Variants in SLC4A8 observed in about 807,000 individuals in gnomAD.
SLC4A8 encodes solute carrier family 4 member 8, also known as electroneutral sodium bicarbonate exchanger 1.
Under a neutral mutation model 125.0 loss-of-function variants are expected in SLC4A8, and 40 were observed. That is an observed-to-expected ratio of 0.32 (90% CI 0.25 to 0.42). SLC4A8 has a LOEUF of 0.42. SLC4A8 is among the 10% of genes least tolerant of loss of function. SLC4A8 has a pLI of 1.00. For missense variants in SLC4A8, 863 were observed against 1,355.1 expected, an observed-to-expected ratio of 0.64 and a Z score of 5.70; for synonymous variants, 456 against 476.0, an observed-to-expected ratio of 0.96 and a Z score of 0.55.
At chr12:51,474,781 AAT>A (rs1950812352) in intron 15 of SLC4A8, among the ~76,000 whole-genome samples, 1 of 152,142 alleles carries the variant, frequency 6.6e-6, no homozygotes, top group Admixed American at 6.5e-5. Context: ...TGATAAGAAA[AAT>A]ATAAGTTGCC....
At chr12:51,488,591 A>G in intron 17 of SLC4A8, 108 bp from the exon 18 acceptor site, 1 of 766,948 alleles carries the variant, frequency 1.3e-6, no homozygotes, top group Non-Finnish European at 2.0e-6. Flanking sequence ...TTTTTTTAAG[A>G]ACCTCACTCA....
intron 9 of SLC4A8, 123 bp from the exon 10 acceptor site, chr12:51,462,187 A>T (rs1950347705): frequency 1.1e-6 from 1 of 890,448 alleles, no homozygotes; most frequent in Non-Finnish European, 1.8e-6. Flanking sequence ...AGTTTTCTGC[A>T]TCTCAGATCC....
At chr12:51,505,669 C>T (rs183761569) in intron 23 of SLC4A8, among the ~76,000 whole-genome samples, 166 bp from the exon 24 acceptor site, 23 of 152,340 alleles carry the variant, frequency 1.5e-4, no homozygotes, top group African/African-American at 5.3e-4. Flanking sequence ...TCAGTGGCTG[C>T]AGGAGAAAGA....
rs1431159435 is a variant in SLC4A8 at position 51,461,200 on chromosome 12, C to T, written c.1014-4C>T. On this transcript the variant is annotated splice_region_variant and splice_polypyrimidine_tract_variant and intron_variant, in intron 8 of 24. Coordinates refer to ENST00000453097, the MANE Select transcript of SLC4A8 (RefSeq NM_001039960.3). ...ATAATTTCCTCCTCTGTGTGTTTTG[C>T]CAGATTTTTGTTTATCTTATTGGGT... 3 of 1,585,958 alleles carry T rather than the reference C, an allele frequency of 1.9e-6. No homozygotes were observed. Among genetic ancestry groups the T allele is most frequent in the Non-Finnish European group, 2.6e-6 (3 of 1,155,668 alleles).
intron 1 of SLC4A8, chr12:51,403,344 T>G (rs1948428931): frequency 4.7e-6 from 2 of 428,350 alleles, no homozygotes; most frequent in Non-Finnish European, 9.7e-6. Flanking sequence ...CTTACTCATT[T>G]CCAGAGTTTG....
intron 1 of SLC4A8, among the ~76,000 whole-genome samples, chr12:51,412,144 G>C (rs1016896223): frequency 6.6e-6 from 1 of 151,984 alleles, no homozygotes. Context: ...AATTATTGAG[G>C]GTTTTTTTTT....
Position 51,460,068 on chromosome 12 carries a change from G to T in SLC4A8, c.973G>T (p.Val325Phe). ...IVAFVRLSPAVLLSGLTEVPI... is the reference protein window; with the variant it reads ...IVAFVRLSPAFLLSGLTEVPI... The stretch of plus-strand genomic sequence containing the variant: ...TGCCTTTGTGAGGCTGTCTCCAGCT[G>T]TTCTTCTCTCAGGCCTAACAGAAGT... Residue 325 changes from valine (V) to phenylalanine (F), a missense_variant, in exon 8 of 25, where the codon GTT becomes TTT. Transcript: ENST00000453097. 1 of 1,613,906 alleles carries T rather than the reference G, an allele frequency of 6.2e-7. No individual in the cohort carries two copies.
intron 12 of SLC4A8, 148 bp from the exon 13 acceptor site, chr12:51,470,244 A>G (rs1417720346): frequency 6.0e-6 from 4 of 668,994 alleles, no homozygotes; most frequent in South Asian, 2.0e-5. Context: ...GGAGTATTAC[A>G]TGGTGTGTAC....
chr12:51,443,698 A>T (rs1949675152), intron 2 of SLC4A8, among the ~76,000 whole-genome samples: 1 of 152,180 alleles, frequency 6.6e-6, no homozygotes, highest in South Asian at 2.1e-4. Context: ...TATAACTTCT[A>T]AAAAGGCTTA....
At chr12:51,482,541 A>G (rs895042852) in intron 16 of SLC4A8, among the ~76,000 whole-genome samples, 2 of 151,952 alleles carry the variant, frequency 1.3e-5, no homozygotes, top group African/African-American at 4.8e-5. Context: ...CACCATGTCT[A>G]GCTAATTTTT....
At chr12:51,428,132 G>A (rs1398643617) in intron 1 of SLC4A8, among the ~76,000 whole-genome samples, 1 of 152,140 alleles carries the variant, frequency 6.6e-6, no homozygotes, top group African/African-American at 2.4e-5. Context: ...CCAGGATGCT[G>A]TTTTACCCAG....
At chr12:51,476,258 G>A (rs1950851220) in intron 16 of SLC4A8, among the ~76,000 whole-genome samples, 1 of 152,180 alleles carries the variant, frequency 6.6e-6, no homozygotes. Flanking sequence ...CAGGCGGGTG[G>A]ATCATCTGAG....
At chr12:51,479,699 AGAAAT>A (rs1383953175) in intron 16 of SLC4A8, among the ~76,000 whole-genome samples, 1 of 49,832 alleles carries the variant, frequency 2.0e-5, no homozygotes, top group Non-Finnish European at 5.6e-5. Flanking sequence ...AAAAAAAAAA[AGAAAT>A]GTGGACAAAT....
rs1395243611 is a variant in SLC4A8, at chr12:51,512,845, A to G, written c.*5407A>G. On this transcript the variant is annotated 3_prime_UTR_variant, in exon 25 of 25. Coordinates refer to ENST00000453097, the MANE Select transcript of SLC4A8 (RefSeq NM_001039960.3). ...GTAATTTGAGAACAAATACAGATTC[A>G]TCTATGGGAAAAGATGTTTAAACTC... The G allele has an allele frequency of 6.6e-6, 1 of 152,236 alleles. No individual in the cohort carries two copies. The highest frequency in any genetic ancestry group is 1.5e-5 in the Non-Finnish European group (1 of 68,048). The allele number at this position is 152,236 out of a possible 1,614,324, so 9.4% of individuals were successfully genotyped here.
intron 7 of SLC4A8, among the ~76,000 whole-genome samples, chr12:51,459,379 G>A (rs925025991): frequency 1.3e-5 from 2 of 152,068 alleles, no homozygotes; most frequent in African/African-American, 2.4e-5. Flanking sequence ...TTTAAAATCC[G>A]AACCTATACC....
chr12:51,507,336 C>G, intron 24 of SLC4A8, 90 bp from the exon 25 acceptor site: 1 of 848,662 alleles, frequency 1.2e-6, no homozygotes, highest in Non-Finnish European at 1.7e-6. Flanking sequence ...TAGCCAGATC[C>G]AAATTGTGGT....
At chr12:51,493,682 T>C in intron 19 of SLC4A8, 22 bp from the exon 20 acceptor site, 2 of 1,556,690 alleles carry the variant, frequency 1.3e-6, no homozygotes, top group South Asian at 2.2e-5. Flanking sequence ...ATTTCTGGCC[T>C]TTCTTGTCCT....
At chr12:51,500,868 C>CT (rs1937844035) in intron 22 of SLC4A8, among the ~76,000 whole-genome samples, 2 of 138,290 alleles carry the variant, frequency 1.4e-5, no homozygotes. Flanking sequence ...TTTTTTCTTT[C>CT]TTTCTTTCTT....
chr12:51,407,397 A>G (rs1948508211), intron 1 of SLC4A8, among the ~76,000 whole-genome samples: 1 of 152,002 alleles, frequency 6.6e-6, no homozygotes, highest in African/African-American at 2.4e-5. Context: ...CTGGCACTAC[A>G]GGCATGCATC....
Sources: allele counts gnomAD v4.1 joint callset (sites outside exome capture counted in the v4.1 genomes callset), GRCh38; gene constraint gnomAD v4.1.1; transcripts MANE v1.5; gene names NCBI Gene and HGNC (gene_info 2026-07-23, HGNC 2026-07-21).